Variants in LAMA5 observed in about 807,000 individuals in gnomAD.
LAMA5 encodes the protein laminin subunit alpha 5.
Under a neutral mutation model 433.4 loss-of-function variants are expected in LAMA5, and 260 were observed. The ratio of observed to expected loss-of-function variants is 0.60; its 90% CI spans 0.54 to 0.66. The LOEUF (loss-of-function observed/expected upper bound fraction) is 0.66, where lower values mean the gene tolerates loss of function less well. Among genes scored for constraint, LAMA5 ranks in the 30% least tolerant of loss-of-function variants. LAMA5 has a pLI of 0.00. For missense variants in LAMA5, 5,378 were observed against 5,258.5 expected (o/e 1.02, Z -0.70); for synonymous variants, 2,620 against 2,226.6 (o/e 1.18, Z -4.97).
chr20:62,334,503 G>A lies in LAMA5; in HGVS notation c.2582+19C>T, dbSNP rs1981167017. The A allele has an allele frequency of 1.3e-6, 2 of 1,545,012 alleles. No homozygotes were observed. Among genetic ancestry groups the A allele is most frequent in the Non-Finnish European group, 8.7e-7 (1 of 1,144,928 alleles). Reference sequence around the variant, plus strand: ...TGCCTGCCCCGCTCCCCACCACCCAGTGGGGAAGGGGTACCCACTCGCTGC... The same window carrying A: ...TGCCTGCCCCGCTCCCCACCACCCAATGGGGAAGGGGTACCCACTCGCTGC... On this transcript the variant is annotated intron_variant, in intron 21 of 79. Coordinates refer to ENST00000252999, the MANE Select transcript of LAMA5 (RefSeq NM_005560.6).
chr20:62,314,668 C>G lies in LAMA5; in HGVS notation c.8254G>C (p.Asp2752His), dbSNP rs139460887. Residue 2752 changes from aspartate (D) to histidine (H), a missense_variant, in exon 61 of 80, where the codon GAT becomes CAT. Transcript: ENST00000252999. ...RSGVQLRTPR[D>H]LADLAAYTAL... ...GTGTAGGCAGCAAGGTCGGCAAGAT[C>G]CCGTGGGGTGCGCAGCTGCACCCCT... 1.2e-6 allele frequency: 2 copies of G among 1,612,668 alleles called. No homozygotes were observed. The highest frequency in any genetic ancestry group is 2.2e-5 in the East Asian group (1 of 44,880).
At chr20:62,345,087 G>A (rs1400909123) in intron 11 of LAMA5, among the ~76,000 whole-genome samples, 2 of 151,938 alleles carry the variant, frequency 1.3e-5, no homozygotes, top group Non-Finnish European at 2.9e-5. Context: ...GTGCAATCTC[G>A]GCTCACAGCA....
In LAMA5 at chr20:62,317,482, G is replaced by A. The variant is rs146174815; in HGVS notation, c.7374C>T (p.Ala2458=). ...DQAKEELERL[A]ASLDGARTPL... ...GGGTCCGAGCCCCATCCAGGCTGGC[G>A]GCGAGGCGCTCCAGCTCCTGGAATT... is the stretch of plus-strand genomic sequence containing the variant. The change falls in exon 55 of 80, where the codon GCC becomes GCT. Residue 2458 remains alanine, a synonymous_variant. Coordinates refer to ENST00000252999, the MANE Select transcript of LAMA5 (RefSeq NM_005560.6). 7.7e-3 allele frequency: 11,900 copies of A among 1,551,526 alleles called. 63 individuals are homozygous for A. The highest frequency in any genetic ancestry group is 9.4e-3 in the Non-Finnish European group (10,828 of 1,146,064).
chr20:62,351,882 C>A, intron 5 of LAMA5, 27 bp downstream of exon 5: 1 of 1,576,924 alleles, frequency 6.3e-7, no homozygotes, highest in Non-Finnish European at 8.6e-7. Flanking sequence ...CAGTCCCCCT[C>A]CCCCGCCTGC....
In LAMA5 at chr20:62,333,903, T is replaced by A; in HGVS notation, c.2876A>T (p.Asn959Ile). The A allele has an allele frequency of 6.3e-7, 1 of 1,590,606 alleles. No individual in the cohort carries two copies. The highest frequency in any genetic ancestry group is 8.6e-7 in the Non-Finnish European group (1 of 1,165,636). Reference sequence around the variant, plus strand: ...TGTGGCCCAGGGACCCCACTCACAGTTGGCGCAGGTGGCCGACCTGCCCTC... The same window carrying A: ...TGTGGCCCAGGGACCCCACTCACAGATGGCGCAGGTGGCCGACCTGCCCTC... Reference protein sequence around the residue: ...REEGRSATCANCTAQSQPVAF... With the variant: ...REEGRSATCAICTAQSQPVAF... The change falls in exon 23 of 80, where the codon AAC becomes ATC. Residue 959 changes from asparagine (N) to isoleucine (I), a missense_variant and splice_region_variant. Physicochemically the swap from Asn to Ile is moderately radical, Grantham distance 149. Transcript: ENST00000252999.
chr20:62,347,504 C>A (rs1352595412), intron 6 of LAMA5, among the ~76,000 whole-genome samples: 4 of 152,156 alleles, frequency 2.6e-5, no homozygotes, highest in Non-Finnish European at 4.4e-5. Context: ...TCCATTTGCA[C>A]CCCCCAAGGC....
chr20:62,319,584 C>T lies in LAMA5; in HGVS notation c.6871+100G>A, dbSNP rs1352817878. 7.5e-6 allele frequency: 6 copies of T among 797,500 alleles called. No individual in the cohort carries two copies. The Admixed American group carries it at 1.3e-4, about 18-fold the overall frequency. 49.4% of individuals were successfully genotyped at this position (797,500 alleles called of 1,614,324 possible). ...TCGTCTCCCATCTAAAAGACAGATC[C>T]TGCCTGTTCTTCCAGGCCAAGCTCG... On this transcript the variant is annotated intron_variant, in intron 51 of 79. Coordinates refer to ENST00000252999, the MANE Select transcript of LAMA5 (RefSeq NM_005560.6).
Position 62,323,835 on chromosome 20 carries a change from C to A in LAMA5, c.5790G>T (p.Leu1930=), listed in dbSNP as rs138911913. Residue 1930 remains leucine, a synonymous_variant, in exon 44 of 80, where the codon CTG becomes CTT. Transcript: ENST00000252999. ...PSNNFAEGCV[L]RGGRTQCLCK... ...AGAGGCACTGGGTGCGGCCGCCTCG[C>A]AGGACACAGCCCTCGGCGAAGCTGC... 6.2e-7 allele frequency: 1 copy of A among 1,609,418 alleles called. No homozygotes were observed. The highest frequency in any genetic ancestry group is 8.5e-7 in the Non-Finnish European group (1 of 1,178,384).
intron 2 of LAMA5, among the ~76,000 whole-genome samples, chr20:62,357,491 C>T (rs1471950169): frequency 6.6e-6 from 1 of 152,172 alleles, no homozygotes; most frequent in East Asian, 1.9e-4. Context: ...AGATAAGCCC[C>T]ACAGCAGGGG....
At chr20:62,362,298 G>T in intron 2 of LAMA5, 102 bp downstream of exon 2, 1 of 1,186,976 alleles carries the variant, frequency 8.4e-7, no homozygotes. Context: ...CCCAGGTCTC[G>T]CTCACGGTGG....
rs763626394 is a variant in LAMA5 at position 62,353,205 on chromosome 20, C to T, written c.497G>A (p.Arg166Gln). Residue 166 changes from arginine to glutamine, a missense_variant, in exon 3 of 80, where the codon CGG becomes CAG. By Grantham distance (43) the Arg-to-Gln change is conservative (BLOSUM62 1). Coordinates refer to ENST00000252999, the MANE Select transcript of LAMA5 (RefSeq NM_005560.6). ...YVLIKFANSP[R>Q]PDLWVLERSM... ...CCGCTCCAGCACCCAGAGGTCCGGC[C>T]GGGGTGAGTTGGCAAACTTGATGAG... The T allele has an allele frequency of 3.1e-6, 5 of 1,589,648 alleles. No homozygotes were observed. The highest frequency in any genetic ancestry group is 2.3e-5 in the South Asian group (2 of 87,310).
intron 11 of LAMA5, among the ~76,000 whole-genome samples, chr20:62,340,557 C>G (rs111732027): frequency 1.3e-5 from 2 of 151,692 alleles, no homozygotes; most frequent in Non-Finnish European, 2.9e-5. Context: ...GTGACCTGCC[C>G]ACCTCAGCCT....
At chr20:62,325,217 G>A (rs1979068021) in intron 41 of LAMA5, 99 bp downstream of exon 41, 1 of 790,582 alleles carries the variant, frequency 1.3e-6, no homozygotes, top group Admixed American at 3.1e-5. Context: ...TAGGGTGACA[G>A]GAAGTGGAGG....
At position 62,330,742 on chromosome 20, in the gene LAMA5, C is replaced by T; in HGVS notation, c.3852+1G>A. ...GTCCCTCTAGAGACTATGGCCCTCA[C>T]CTGGGGCTCACGCAGCAGGGTGGGC... On this transcript the variant is annotated splice_donor_variant, in intron 30 of 79. Coordinates refer to ENST00000252999, the MANE Select transcript of LAMA5 (RefSeq NM_005560.6). LOFTEE classifies it high-confidence loss of function. 1 of 1,559,228 alleles carries T rather than the reference C, an allele frequency of 6.4e-7. No individual in the cohort carries two copies. The highest frequency in any genetic ancestry group is 8.7e-7 in the Non-Finnish European group (1 of 1,152,228).
At chr20:62,326,197 G>A (rs1472859095) in intron 40 of LAMA5, among the ~76,000 whole-genome samples, 2 of 151,126 alleles carry the variant, frequency 1.3e-5, no homozygotes, top group East Asian at 1.9e-4. Context: ...CCCAGCCTGG[G>A]CGACAGAGCA....
At position 62,319,860 on chromosome 20, in the gene LAMA5, C is replaced by T. The variant is rs1987483215; in HGVS notation, c.6760-65G>A. 4.5e-6 allele frequency: 6 copies of T among 1,340,374 alleles called. No homozygotes were observed. The South Asian group carries it at 7.6e-5, about 17-fold the overall frequency. 83.0% of individuals were successfully genotyped at this position (1,340,374 alleles called of 1,614,324 possible). A position where few individuals can be genotyped will look rare whatever the true frequency, so the allele number is the denominator to read the frequency against. On this transcript the variant is annotated intron_variant, in intron 50 of 79. Coordinates refer to ENST00000252999, the MANE Select transcript of LAMA5 (RefSeq NM_005560.6). ...CGAGGGTCGGGGTGGCAAGGGAGGG[C>T]CTGGGGTCTGGGGGAGCGCCGAGGG...
chr20:62,357,652 A>G (rs2146341447), intron 2 of LAMA5, among the ~76,000 whole-genome samples: 1 of 152,312 alleles, frequency 6.6e-6, no homozygotes, highest in East Asian at 1.9e-4. Context: ...TTCCACAGCA[A>G]GCCCACCGCT....
intron 34 of LAMA5, among the ~76,000 whole-genome samples, 185 bp from the exon 35 acceptor site, chr20:62,328,630 TCA>T (rs1181589691): frequency 3.0e-4 from 28 of 94,856 alleles, no homozygotes; most frequent in African/African-American, 1.1e-3. Context: ...AGAATCAACA[TCA>T]TCGTCAGAGA....
intron 40 of LAMA5, 170 bp downstream of exon 40, chr20:62,326,507 G>GA: frequency 1.7e-6 from 1 of 598,362 alleles, no homozygotes; most frequent in Admixed American, 2.9e-5. Flanking sequence ...GACCAGCACA[G>GA]AAGATATCTG....
Sources: gnomAD v4.1 joint callset for allele counts (sites outside exome capture counted in the v4.1 genomes callset) on GRCh38, gnomAD v4.1.1 for gene constraint, MANE v1.5 for transcripts, NCBI Gene and HGNC (gene_info 2026-07-23, HGNC 2026-07-21) for gene names.